The following ZSWIM3 variants were observed in gnomAD, a reference collection of about 807,000 sequenced individuals.
ZSWIM3 encodes the protein zinc finger SWIM-type containing 3.
In ZSWIM3, 27 loss-of-function variants were observed where a neutral mutation model predicts 47.5. The observed-to-expected ratio is 0.57, with a 90% CI of 0.42 to 0.78. The LOEUF (loss-of-function observed/expected upper bound fraction) is 0.78, where lower values mean the gene tolerates loss of function less well. Among genes scored for constraint, ZSWIM3 ranks in the 30% least tolerant of loss-of-function variants. The pLI, the probability that ZSWIM3 is intolerant of heterozygous loss-of-function variation, is 0.00. For missense variants in ZSWIM3, 689 were observed against 861.3 expected (o/e 0.80, Z 2.50); for synonymous variants, 333 against 333.9 (o/e 1.00, Z 0.03).
chr20:45,862,125 C>A (rs563259231), intron 1 of ZSWIM3, among the ~76,000 whole-genome samples: 2 of 151,324 alleles, frequency 1.3e-5, no homozygotes, highest in African/African-American at 2.4e-5. Flanking sequence ...GTCACCTCCA[C>A]TGCATTAGCT....
chr20:45,877,426 T>C lies in ZSWIM3; in HGVS notation c.868T>C (p.Tyr290His), dbSNP rs775530105. ...KVVFVDPSFH[Y>H]RAILQEIFPA... ...GGTCTTTGTGGACCCTTCATTCCAT[T>C]ACCGGGCTATCCTGCAGGAGATCTT... Residue 290 changes from tyrosine to histidine, a missense_variant, in exon 2 of 2, where the codon TAC becomes CAC. Tyr to His is a moderately conservative substitution (Grantham distance 83). Transcript: ENST00000255152. The C allele has an allele frequency of 1.2e-6, 2 of 1,614,078 alleles. No individual in the cohort carries two copies. Among genetic ancestry groups the C allele is most frequent in the African/African-American group, 2.7e-5 (2 of 74,924 alleles).
intron 1 of ZSWIM3, among the ~76,000 whole-genome samples, chr20:45,871,924 T>C (rs1342097326): frequency 6.6e-6 from 1 of 151,176 alleles, no homozygotes; most frequent in Non-Finnish European, 1.5e-5. Flanking sequence ...TTTGAACCTA[T>C]CCAATATGTT....
At chr20:45,876,623 G>A in intron 1 of ZSWIM3, 91 bp from the exon 2 acceptor site, 2 of 1,486,150 alleles carry the variant, frequency 1.3e-6, no homozygotes, top group South Asian at 1.4e-5. Flanking sequence ...ATAGGCATGA[G>A]CCACTGTACC....
intron 1 of ZSWIM3, among the ~76,000 whole-genome samples, chr20:45,863,817 G>A (rs1415734121): frequency 6.6e-6 from 1 of 152,148 alleles, no homozygotes; most frequent in Non-Finnish European, 1.5e-5. Flanking sequence ...GGCCAACATG[G>A]TGAAACCCTT....
At chr20:45,874,362 A>G (rs533427154) in intron 1 of ZSWIM3, among the ~76,000 whole-genome samples, 1 of 152,168 alleles carries the variant, frequency 6.6e-6, no homozygotes, top group Admixed American at 6.5e-5. Context: ...AAATACAAAA[A>G]TTAGTCAGGT....
At chr20:45,859,476 T>C (rs2145784266) in intron 1 of ZSWIM3, among the ~76,000 whole-genome samples, 1 of 148,846 alleles carries the variant, frequency 6.7e-6, no homozygotes, top group East Asian at 2.0e-4. Context: ...GACAAATGCC[T>C]GGGAGGTGGG....
At chr20:45,863,479 G>T (rs1395780513) in intron 1 of ZSWIM3, among the ~76,000 whole-genome samples, 6 of 152,274 alleles carry the variant, frequency 3.9e-5, no homozygotes, top group Admixed American at 3.9e-4. Context: ...AGAAAAAACT[G>T]TCAGCCCTGA....
chr20:45,877,877 A>C lies in ZSWIM3; in HGVS notation c.1319A>C (p.Lys440Thr). ...GLKNLPTPPPKLKRARPASMP... is the reference protein window; with the variant it reads ...GLKNLPTPPPTLKRARPASMP... ...AAGAACTTGCCCACACCTCCTCCCA[A>C]ATTAAAGAGAGCTCGGCCGGCAAGC... is the stretch of plus-strand genomic sequence containing the variant. Residue 440 changes from lysine to threonine, a missense_variant, in exon 2 of 2, where the codon AAA becomes ACA. Lys to Thr is a moderately conservative substitution (Grantham distance 78, BLOSUM62 -1). Coordinates refer to ENST00000255152, the MANE Select transcript of ZSWIM3 (RefSeq NM_080752.4). The C allele has an allele frequency of 6.2e-7, 1 of 1,614,096 alleles. No homozygotes were observed. The highest frequency in any genetic ancestry group is 8.5e-7 in the Non-Finnish European group (1 of 1,180,020).
At chr20:45,866,139 T>G (rs1985837430) in intron 1 of ZSWIM3, among the ~76,000 whole-genome samples, 1 of 150,520 alleles carries the variant, frequency 6.6e-6, no homozygotes, top group Admixed American at 6.6e-5. Flanking sequence ...CCGTCTCTAC[T>G]AAAAATACAC....
At chr20:45,872,882 C>G in intron 1 of ZSWIM3, 1 of 1,206,014 alleles carries the variant, frequency 8.3e-7, no homozygotes, top group Non-Finnish European at 1.1e-6. Context: ...ACTCACACAT[C>G]CTGTTTTCCC....
intron 1 of ZSWIM3, among the ~76,000 whole-genome samples, chr20:45,876,371 C>T (rs771495068): frequency 7.7e-5 from 11 of 142,652 alleles, no homozygotes; most frequent in Admixed American, 1.4e-4. Context: ...TAGGGTCTCA[C>T]TCTGTTGCCC....
At chr20:45,863,193 G>GT (rs1985754604) in intron 1 of ZSWIM3, among the ~76,000 whole-genome samples, 1 of 144,266 alleles carries the variant, frequency 6.9e-6, no homozygotes, top group Non-Finnish European at 1.5e-5. Context: ...TTGTTTGTTT[G>GT]TTTTTTTGTT....
intron 1 of ZSWIM3, among the ~76,000 whole-genome samples, chr20:45,874,146 C>T (rs561629960): frequency 6.6e-6 from 1 of 152,212 alleles, no homozygotes; most frequent in Admixed American, 6.5e-5. Context: ...ACTTGGGAGG[C>T]TAAGGTGAGA....
intron 1 of ZSWIM3, among the ~76,000 whole-genome samples, chr20:45,864,585 G>A (rs1360164040): frequency 6.6e-6 from 1 of 152,224 alleles, no homozygotes; most frequent in East Asian, 1.9e-4. Flanking sequence ...ACCATTTACA[G>A]CTGGATGTTG....
In ZSWIM3 at chr20:45,878,121, C is replaced by G. The variant is rs1986150770; in HGVS notation, c.1563C>G (p.Thr521=). 2 of 1,614,090 alleles carry G rather than the reference C, an allele frequency of 1.2e-6. No individual in the cohort carries two copies. The highest frequency in any genetic ancestry group is 1.7e-6 in the Non-Finnish European group (2 of 1,180,046). Residue 521 remains threonine, a synonymous_variant, in exon 2 of 2, where the codon ACC becomes ACG. Transcript: ENST00000255152. The part of the protein sequence containing the change: ...HNEWEVVQNS[T]HLVDMAGSSV... The stretch of plus-strand genomic sequence containing the variant: ...AGTGGGAGGTGGTACAGAACTCCAC[C>G]CACCTGGTGGACATGGCTGGCTCTT...
chr20:45,863,704 C>G (rs1156732466), intron 1 of ZSWIM3, among the ~76,000 whole-genome samples: 1 of 152,100 alleles, frequency 6.6e-6, no homozygotes, highest in Non-Finnish European at 1.5e-5. Context: ...CATTAAGAGA[C>G]AAATAGTTTA....
At chr20:45,876,636 G>GCC (rs1440783313) in intron 1 of ZSWIM3, 78 bp from the exon 2 acceptor site, 2 of 1,523,514 alleles carry the variant, frequency 1.3e-6, no homozygotes, top group Non-Finnish European at 1.8e-6. Flanking sequence ...ACTGTACCCA[G>GCC]CCCCCTTCAG....
chr20:45,867,488 T>C (rs1323839641), intron 1 of ZSWIM3, among the ~76,000 whole-genome samples: 1 of 152,212 alleles, frequency 6.6e-6, no homozygotes, highest in African/African-American at 2.4e-5. Context: ...TTGTCTATAG[T>C]TGATTCCTTT....
chr20:45,864,296 C>A (rs1487914105), intron 1 of ZSWIM3, among the ~76,000 whole-genome samples: 2 of 152,122 alleles, frequency 1.3e-5, no homozygotes, highest in African/African-American at 4.8e-5. Flanking sequence ...AAGTTGACTG[C>A]TGGTTGTGAT....
Sources: gnomAD v4.1 joint callset for allele counts (sites outside exome capture counted in the v4.1 genomes callset) on GRCh38, gnomAD v4.1.1 for gene constraint, MANE v1.5 for transcripts, NCBI Gene and HGNC (gene_info 2026-07-23, HGNC 2026-07-21) for gene names.